The following CNIH3 variants were observed in gnomAD, a reference collection of about 807,000 sequenced individuals.
CNIH3 encodes cornichon family AMPA receptor auxiliary protein 3, also known as protein cornichon homolog 3.
A neutral mutation model predicts 24.1 loss-of-function variants in CNIH3; 14 were observed. The ratio of observed to expected loss-of-function variants is 0.58; its 90% CI spans 0.38 to 0.91. CNIH3 has a LOEUF of 0.91. Ranked by LOEUF, CNIH3 falls within the 40% of genes least tolerant of loss-of-function variation. The pLI is 0.00. For missense variants in CNIH3, 178 were observed against 196.8 expected, an observed-to-expected ratio of 0.90 and a Z score of 0.57; for synonymous variants, 68 against 73.8, an observed-to-expected ratio of 0.92 and a Z score of 0.40.
chr1:224,692,625 A>G (rs940184830), intron 3 of CNIH3, among the ~76,000 whole-genome samples: 3 of 152,220 alleles, frequency 2.0e-5, no homozygotes, highest in African/African-American at 7.2e-5. Flanking sequence ...CTTTAAAAGT[A>G]TTAACTCCTT....
intron 1 of CNIH3, among the ~76,000 whole-genome samples, chr1:224,679,143 C>A (rs1686276945): frequency 6.6e-6 from 1 of 152,064 alleles, no homozygotes; most frequent in Non-Finnish European, 1.5e-5. Context: ...AAACATGAAA[C>A]CCCATCTCCA....
At chr1:224,573,627 G>A (rs1306392799) in intron 4 of CNIH3, among the ~76,000 whole-genome samples, 1 of 152,196 alleles carries the variant, frequency 6.6e-6, no homozygotes, top group Non-Finnish European at 1.5e-5. Flanking sequence ...CCCAGAGTCA[G>A]GAATTCAGCA....
At chr1:224,641,970 C>T (rs1396046681) in intron 1 of CNIH3, among the ~76,000 whole-genome samples, 3 of 152,234 alleles carry the variant, frequency 2.0e-5, no homozygotes, top group Non-Finnish European at 4.4e-5. Context: ...TCAGCATGTG[C>T]ATGTGAATCA....
At chr1:224,536,645 C>G (rs1679298712) in intron 2 of CNIH3, among the ~76,000 whole-genome samples, 2 of 152,096 alleles carry the variant, frequency 1.3e-5, no homozygotes, top group South Asian at 4.1e-4. Context: ...CCCTTTAATG[C>G]TCCAAGGTGA....
At chr1:224,636,917 C>T (rs1420907773) in intron 1 of CNIH3, among the ~76,000 whole-genome samples, 2 of 149,468 alleles carry the variant, frequency 1.3e-5, no homozygotes, top group Non-Finnish European at 3.0e-5. Flanking sequence ...AATCTATTAT[C>T]TGTCTATCAT....
rs529918239 is a variant in CNIH3, at chr1:224,732,665, C to T, written c.312-1898C>T. On this transcript the variant is annotated intron_variant, in intron 4 of 5. Coordinates refer to ENST00000272133, the MANE Select transcript of CNIH3 (RefSeq NM_152495.2). ...GCTCTTCTCCTCCAGGAAAGGAGTT[C>T]GTCCCAAGGTCCTTCAAGTAGGGGG... Among the ~76,000 whole-genome samples, 15 of 152,262 alleles carry T rather than the reference C, an allele frequency of 9.9e-5. No homozygotes were observed. In the South Asian group the frequency reaches 1.7e-3, roughly 17 times the overall value.
chr1:224,673,068 A>G (rs1685948662), intron 1 of CNIH3, among the ~76,000 whole-genome samples: 1 of 152,148 alleles, frequency 6.6e-6, no homozygotes, highest in African/African-American at 2.4e-5. Context: ...CATTTGGGTG[A>G]ATTTGCTACT....
At chr1:224,623,737 C>A (rs1391828722) in intron 1 of CNIH3, among the ~76,000 whole-genome samples, 1 of 152,170 alleles carries the variant, frequency 6.6e-6, no homozygotes, top group African/African-American at 2.4e-5. Flanking sequence ...CAGAGTCTGT[C>A]CCTCATCTGA....
Position 224,656,021 on chromosome 1 carries a change from G to T in CNIH3, c.82-24937G>T, listed in dbSNP as rs111818034. 1.0e-2 allele frequency among the ~76,000 whole-genome samples: 1,519 copies of T among 152,284 alleles called. 15 individuals are homozygous for T. The highest frequency in any genetic ancestry group is 0.016 in the Non-Finnish European group (1,078 of 68,016). The stretch of plus-strand genomic sequence containing the variant: ...GTAAATTTCACATGTTAAGACCCGG[G>T]AGTGTCAATTTCCATGTTTATTCAA... On this transcript the variant is annotated intron_variant, in intron 1 of 5. Coordinates refer to ENST00000272133, the MANE Select transcript of CNIH3 (RefSeq NM_152495.2).
At chr1:224,561,985 G>A (rs1680392469) in intron 3 of CNIH3, among the ~76,000 whole-genome samples, 1 of 152,106 alleles carries the variant, frequency 6.6e-6, no homozygotes, top group Non-Finnish European at 1.5e-5. Flanking sequence ...CAATGTAGAG[G>A]GCAAGGGAGG....
Position 224,476,613 on chromosome 1 carries a change from A to G in CNIH3, n.204-39128A>G, listed in dbSNP as rs560301923. 5.9e-5 allele frequency among the ~76,000 whole-genome samples: 9 copies of G among 152,338 alleles called. No homozygotes were observed. The South Asian group carries it at 1.7e-3, about 28-fold the overall frequency. On this transcript the variant is annotated intron_variant and non_coding_transcript_variant, in intron 1 of 5. Transcript: ENST00000471578. ...TTAACCAAATAAGTGAAAGATTTCT[A>G]CAATGAAAACTATAAAACACTGATG... is the stretch of plus-strand genomic sequence containing the variant.
At chr1:224,500,830 G>T (rs1677626615) in intron 1 of CNIH3, among the ~76,000 whole-genome samples, 1 of 152,126 alleles carries the variant, frequency 6.6e-6, no homozygotes, top group African/African-American at 2.4e-5. Flanking sequence ...GATTTCCCTT[G>T]ACCTCAAGAC....
intron 3 of CNIH3, among the ~76,000 whole-genome samples, chr1:224,611,046 A>G (rs1356913037): frequency 6.6e-6 from 1 of 152,214 alleles, no homozygotes; most frequent in Non-Finnish European, 1.5e-5. Flanking sequence ...TTTCTATTTC[A>G]TAAAGCCTGA....
intron 3 of CNIH3, among the ~76,000 whole-genome samples, chr1:224,550,512 C>T (rs537777425): frequency 2.6e-4 from 40 of 152,006 alleles, no homozygotes; most frequent in African/African-American, 9.4e-4. Context: ...AATATGAGAG[C>T]GATGTTATTT....
chr1:224,598,865 A>G (rs115029168), intron 3 of CNIH3, among the ~76,000 whole-genome samples: 345 of 152,336 alleles, frequency 2.3e-3, no homozygotes, highest in African/African-American at 8.0e-3. Context: ...TGGGAAACCA[A>G]AAAATTCATG....
At chr1:224,709,942 A>G (rs763245520) in intron 3 of CNIH3, among the ~76,000 whole-genome samples, 21 of 152,210 alleles carry the variant, frequency 1.4e-4, no homozygotes, top group Middle Eastern at 3.2e-3. Flanking sequence ...TCTATGATAA[A>G]GTTTTACTTA....
chr1:224,602,133 A>G (rs1421785138), intron 3 of CNIH3, among the ~76,000 whole-genome samples: 1 of 152,242 alleles, frequency 6.6e-6, no homozygotes, highest in Non-Finnish European at 1.5e-5. Flanking sequence ...TTTATGTGAA[A>G]CCATTTCACA....
At chr1:224,631,001 A>C (rs1442693511) in intron 1 of CNIH3, among the ~76,000 whole-genome samples, 2 of 152,062 alleles carry the variant, frequency 1.3e-5, no homozygotes, top group Admixed American at 1.3e-4. Flanking sequence ...TCTACTAAAA[A>C]TAGAAAAATT....
chr1:224,579,067 CT>C (rs60330387), intron 4 of CNIH3, among the ~76,000 whole-genome samples: 19,381 of 138,758 alleles, frequency 0.14, 1,287 homozygotes, highest in East Asian at 0.27. Flanking sequence ...TTTCTTTTTT[CT>C]TTTTTTTTTT....
Sources: allele counts gnomAD v4.1 joint callset (sites outside exome capture counted in the v4.1 genomes callset), GRCh38; gene constraint gnomAD v4.1.1; transcripts MANE v1.5; gene names NCBI Gene and HGNC (gene_info 2026-07-23, HGNC 2026-07-21).